The following RASAL1 variants were observed in gnomAD, a reference collection of about 807,000 sequenced individuals.
RASAL1 encodes rasGAP-activating-like protein 1.
RASAL1 carries 72 observed loss-of-function variants against 96.6 expected under a neutral mutation model. The observed-to-expected ratio is 0.75, with a 90% CI of 0.62 to 0.91. RASAL1 has a LOEUF of 0.91. RASAL1 is among the 40% of genes least tolerant of loss of function. The probability of loss-of-function intolerance (pLI) is 0.00; values close to 1 mark genes in which losing one functional copy is unlikely to be tolerated. For synonymous variants in RASAL1, 405 were observed against 430.4 expected, an observed-to-expected ratio of 0.94 and a Z score of 0.73; for missense variants, 1,016 against 1,072.5, an observed-to-expected ratio of 0.95 and a Z score of 0.74.
At chr12:113,120,070 TGACAACCCAAAA>T (rs1024989095) in intron 5 of RASAL1, among the ~76,000 whole-genome samples, 15 of 152,146 alleles carry the variant, frequency 9.9e-5, no homozygotes, top group African/African-American at 2.9e-4. Context: ...TTGGTTGCCA[TGACAACCCAAAA>T]GTCTTACTCC....
Position 113,129,508 on chromosome 12 carries a change from A to G in RASAL1, c.123-1330T>C, listed in dbSNP as rs1215995083. ...GCACAGGAAGGATGGGGACCAAGAT[A>G]AGCCCAGAAACAGGTGCACACACAC... On this transcript the variant is annotated intron_variant, in intron 2 of 20. Coordinates refer to ENST00000548055, the MANE Select transcript of RASAL1 (RefSeq NM_001301202.2). The surrounding 1 kb of genome is among the most constrained non-coding windows in gnomAD (Gnocchi z 5.0). Among the ~76,000 whole-genome samples, 1 of 152,088 alleles carries G rather than the reference A, an allele frequency of 6.6e-6. No homozygotes were observed. The highest frequency in any genetic ancestry group is 2.4e-5 in the African/African-American group (1 of 41,402).
At chr12:113,121,885 A>G (rs530900146) in intron 4 of RASAL1, among the ~76,000 whole-genome samples, 1 of 151,872 alleles carries the variant, frequency 6.6e-6, no homozygotes, top group South Asian at 2.1e-4. Flanking sequence ...CCATGCCTGG[A>G]TAATTTTTGT....
upstream of RASAL1, chr12:113,135,865 C>G (rs1951897424): frequency 5.4e-5 from 10 of 184,470 alleles, no homozygotes; most frequent in South Asian, 1.1e-3. This position sits in a 1 kb window ranked among gnomAD's most constrained non-coding sequence, Gnocchi z 5.7. Flanking sequence ...CTACCGGCAC[C>G]CCAGTCATGC....
At chr12:113,105,661 A>G (rs1401269256) in intron 16 of RASAL1, 53 bp downstream of exon 16, 4 of 1,515,626 alleles carry the variant, frequency 2.6e-6, no homozygotes, top group Non-Finnish European at 3.6e-6. Flanking sequence ...AAGAGGCAGC[A>G]CACTGAAAAA....
At position 113,129,478 on chromosome 12, in the gene RASAL1, G is replaced by A. The variant is rs1951621022; in HGVS notation, c.123-1300C>T. ...GCTTTGAAGCACACAGTGAGCAGGA[G>A]GAAGGCACAGGAAGGATGGGGACCA... On this transcript the variant is annotated intron_variant, in intron 2 of 20. Coordinates refer to ENST00000548055, the MANE Select transcript of RASAL1 (RefSeq NM_001301202.2). The surrounding 1 kb of genome is among the most constrained non-coding windows in gnomAD (Gnocchi z 5.0). Among the ~76,000 whole-genome samples, 5 of 152,102 alleles carry A rather than the reference G, an allele frequency of 3.3e-5. No homozygotes were observed. Among genetic ancestry groups the A allele is most frequent in the Admixed American group, 2.0e-4 (3 of 15,276 alleles).
chr12:113,131,573 C>T (rs1276143719), intron 1 of RASAL1, among the ~76,000 whole-genome samples: 2 of 152,174 alleles, frequency 1.3e-5, no homozygotes, highest in African/African-American at 2.4e-5. Context: ...ACCAGGGAAC[C>T]CAGGCTTCAA....
intron 19 of RASAL1, 65 bp from the exon 20 acceptor site, chr12:113,100,745 A>G: frequency 7.0e-7 from 1 of 1,420,868 alleles, no homozygotes; most frequent in Non-Finnish European, 9.9e-7. Flanking sequence ...CCTACCCCAG[A>G]AATTCTCTGA....
rs756894984 is a variant in RASAL1 at position 113,101,942 on chromosome 12, A to T, written c.2172T>A (p.Asp724Glu). ...LGDWSDPLDP[D>E]AEAQTVYRQL... ...GCCGATACACTGTCTGGGCCTCAGC[A>T]TCAGGATCCAGTGGGTCACTCCAGT... The change falls in exon 19 of 21, where the codon GAT becomes GAA. Residue 724 changes from aspartate (D) to glutamate (E), a missense_variant. Physicochemically the swap from Asp to Glu is conservative, Grantham distance 45. Coordinates refer to ENST00000548055, the MANE Select transcript of RASAL1 (RefSeq NM_001301202.2). 17 of 1,614,140 alleles carry T rather than the reference A, an allele frequency of 1.1e-5. No individual in the cohort carries two copies. Among genetic ancestry groups the T allele is most frequent in the Non-Finnish European group, 1.4e-5 (17 of 1,180,024 alleles).
chr12:113,127,935 A>C, intron 3 of RASAL1, 62 bp from the exon 4 acceptor site: 1 of 1,579,238 alleles, frequency 6.3e-7, no homozygotes, highest in Non-Finnish European at 8.7e-7. Context: ...CCCCAAGAGA[A>C]GTGGGGGCAG....
intron 13 of RASAL1, among the ~76,000 whole-genome samples, chr12:113,111,083 C>G: frequency 6.7e-6 from 1 of 149,394 alleles, no homozygotes; most frequent in Non-Finnish European, 1.5e-5. Context: ...GTCTCCCTAC[C>G]ACCCCACGCG....
intron 4 of RASAL1, among the ~76,000 whole-genome samples, chr12:113,127,460 A>G (rs1437300090): frequency 6.6e-6 from 1 of 152,136 alleles, no homozygotes; most frequent in Non-Finnish European, 1.5e-5. Flanking sequence ...AGCTTGGGCA[A>G]CATAGCAAGA....
At position 113,135,261 on chromosome 12, in the gene RASAL1, G is replaced by A. The variant is rs2136288562; in HGVS notation, c.65+137C>T. On this transcript the variant is annotated intron_variant, in intron 1 of 20. Coordinates refer to ENST00000548055, the MANE Select transcript of RASAL1 (RefSeq NM_001301202.2). The surrounding 1 kb of genome is among the most constrained non-coding windows in gnomAD (Gnocchi z 5.7). ...ATGCGGCCTCTCGCCCCTTTAAAGC[G>A]GAACTGCCCCAAGACCAGTCTTGGA... is the stretch of plus-strand genomic sequence containing the variant. 1 of 776,720 alleles carries A rather than the reference G, an allele frequency of 1.3e-6. No homozygotes were observed. Among genetic ancestry groups the A allele is most frequent in the Non-Finnish European group, 2.0e-6 (1 of 495,502 alleles). The allele number at this position is 776,720 out of a possible 1,614,324, so 48.1% of individuals were successfully genotyped here. A position where few individuals can be genotyped will look rare whatever the true frequency, so the allele number is the denominator to read the frequency against.
Position 113,135,596 on chromosome 12 carries a change from G to A in RASAL1, c.-134C>T, listed in dbSNP as rs1951884346. 1.4e-6 allele frequency: 1 copy of A among 735,150 alleles called. No homozygotes were observed. Among genetic ancestry groups the A allele is most frequent in the Non-Finnish European group, 2.3e-6 (1 of 437,942 alleles). 45.5% of individuals were successfully genotyped at this position (735,150 alleles called of 1,614,324 possible). On this transcript the variant is annotated 5_prime_UTR_variant, in exon 1 of 21. Coordinates refer to ENST00000548055, the MANE Select transcript of RASAL1 (RefSeq NM_001301202.2). The surrounding 1 kb of genome is among the most constrained non-coding windows in gnomAD (Gnocchi z 5.7). ...CCAGTGCCGCCTGTCCGAGACCCGG[G>A]TAGCTGGATGGGAGATTTCCGAAAG...
rs1566029016 is a variant in RASAL1 at position 113,100,074 on chromosome 12, A to T, written c.2279-6T>A. The T allele has an allele frequency of 1.9e-6, 3 of 1,596,408 alleles. No homozygotes were observed. The highest frequency in any genetic ancestry group is 2.6e-6 in the Non-Finnish European group (3 of 1,170,034). On this transcript the variant is annotated splice_region_variant and splice_polypyrimidine_tract_variant and intron_variant, in intron 20 of 20. Transcript: ENST00000548055. ...CAGGACCTCAGGACAGGCCCCTAGG[A>T]GGGAGACAAGAGGCCACAGGGGCTC...
In RASAL1 at chr12:113,116,991, C is replaced by T; in HGVS notation, c.731+82G>A. 4.5e-6 allele frequency: 5 copies of T among 1,115,276 alleles called. No individual in the cohort carries two copies. In the East Asian group the frequency reaches 1.1e-4, roughly 24 times the overall value. 69.1% of individuals were successfully genotyped at this position (1,115,276 alleles called of 1,614,324 possible). On this transcript the variant is annotated intron_variant, in intron 8 of 20. Transcript: ENST00000548055. Reference sequence around the variant, plus strand: ...AAGTGGCATAGTGATAATGTGTGGGCTGGCATGGGCTCTGCCCGCAAGCTG... The same window carrying T: ...AAGTGGCATAGTGATAATGTGTGGGTTGGCATGGGCTCTGCCCGCAAGCTG...
At position 113,107,211 on chromosome 12, in the gene RASAL1, G is replaced by A. The variant is rs1046562767; in HGVS notation, c.1543C>T (p.Gln515Ter). The change falls in exon 15 of 21, where the codon CAG becomes TAG. Residue 515 changes from glutamine to a stop codon, truncating the protein, a stop_gained. Transcript: ENST00000548055. LOFTEE classifies it high-confidence loss of function. ...CACAGTTCCTTGCCTTGGCCCAGCT[G>A]CTGGCCCAGGTTTCCAATGCTCTGC... ...AVQSIGNLGQ[Q>*]LGQGKELWMA... is the part of the protein sequence containing the mutation. The A allele has an allele frequency of 6.8e-6, 11 of 1,611,486 alleles. No homozygotes were observed. Among genetic ancestry groups the A allele is most frequent in the Non-Finnish European group, 9.3e-6 (11 of 1,178,568 alleles).
intron 20 of RASAL1, among the ~76,000 whole-genome samples, 197 bp downstream of exon 20, chr12:113,100,431 T>A (rs1321725025): frequency 6.6e-6 from 1 of 152,182 alleles, no homozygotes; most frequent in Non-Finnish European, 1.5e-5. Context: ...CCCCAGTAGC[T>A]GGGATCACAG....
chr12:113,111,094 CTG>C (rs147185286), intron 13 of RASAL1, among the ~76,000 whole-genome samples: 16,402 of 152,172 alleles, frequency 0.11, 1,156 homozygotes, highest in Non-Finnish European at 0.16. Context: ...ACCCCACGCG[CTG>C]CTTGCTTTGT....
intron 16 of RASAL1, 31 bp downstream of exon 16, chr12:113,105,683 G>A: frequency 6.4e-7 from 1 of 1,554,900 alleles, no homozygotes. Flanking sequence ...GCCACCCCTG[G>A]AAAGCCCTCC....
Sources: allele counts gnomAD v4.1 joint callset (sites outside exome capture counted in the v4.1 genomes callset), GRCh38; gene constraint gnomAD v4.1.1; non-coding constraint Gnocchi (gnomAD v3.1); transcripts MANE v1.5; gene names NCBI Gene and HGNC (gene_info 2026-07-23, HGNC 2026-07-21).